The following PLEC variants were observed in gnomAD, a reference collection of about 807,000 sequenced individuals.
PLEC encodes hemidesmosomal protein 1.
A neutral mutation model predicts 392.8 loss-of-function variants in PLEC; 216 were observed. That is an observed-to-expected ratio of 0.55 (90% CI 0.49 to 0.62). The LOEUF is 0.62. PLEC is among the 20% of genes least tolerant of loss of function. The pLI, the probability that PLEC is intolerant of heterozygous loss-of-function variation, is 0.00. For synonymous variants in PLEC, 3,621 were observed against 2,980.6 expected (o/e 1.21, Z -7.00); for missense variants, 6,863 against 6,563.4 (o/e 1.05, Z -1.58).
Position 143,917,915 on chromosome 8 carries a change from G to A in PLEC, c.11906C>T (p.Ala3969Val), listed in dbSNP as rs782096389. The A allele has an allele frequency of 1.9e-5, 30 of 1,612,876 alleles. No individual in the cohort carries two copies. Among genetic ancestry groups the A allele is most frequent in the South Asian group, 6.6e-5 (6 of 91,074 alleles). Residue 3969 changes from alanine to valine, a missense_variant, in exon 32 of 32, where the codon GCG (alanine) becomes GTG (valine). Coordinates refer to ENST00000345136, the MANE Select transcript of PLEC (RefSeq NM_201384.3). ...GATGACGTAACCGGTGGCCGCCTGC[G>A]CCTCCAGGAGCTCAAAGGCTGTGCC... is the stretch of plus-strand genomic sequence containing the variant. ...RPGTAFELLE[A>V]QAATGYVIDP...
rs899352692 is a variant in PLEC, at chr8:143,917,941, G to A, written c.11880C>T (p.Pro3960=). ...CCTCCAGGAGCTCAAAGGCTGTGCC[G>A]GGGCGGATGATGCCCTTCTTCATGG... ...YQAMKKGIIR[P]GTAFELLEAQ... Residue 3960 remains proline, a synonymous_variant, in exon 32 of 32, where the codon CCC becomes CCT. Transcript: ENST00000345136. The A allele has an allele frequency of 1.6e-5, 25 of 1,612,906 alleles. No individual in the cohort carries two copies. The highest frequency in any genetic ancestry group is 2.7e-5 in the African/African-American group (2 of 75,010).
chr8:143,947,261 G>T (rs1831605646), intron 1 of PLEC, among the ~76,000 whole-genome samples: 1 of 152,192 alleles, frequency 6.6e-6, no homozygotes, highest in African/African-American at 2.4e-5. Context: ...GTGTAGAGGG[G>T]AAGTCATGGT....
Position 143,923,119 on chromosome 8 carries a change from A to G in PLEC, c.6810T>C (p.Ala2270=). Residue 2270 remains alanine, a synonymous_variant, in exon 31 of 32, where the codon GCT becomes GCC. Coordinates refer to ENST00000345136, the MANE Select transcript of PLEC (RefSeq NM_201384.3). ...CCTCCGCCACCTGCTTCATCTTCTC[A>G]GCCTCCTCCTGCAGGAAGCGCTGCG... ...DNTQRFLQEE[A]EKMKQVAEEA... 1 of 1,604,212 alleles carries G rather than the reference A, an allele frequency of 6.2e-7. No homozygotes were observed. The highest frequency in any genetic ancestry group is 8.5e-7 in the Non-Finnish European group (1 of 1,179,654).
chr8:143,940,748 C>CACA, upstream of PLEC, among the ~76,000 whole-genome samples: 2 of 152,304 alleles, frequency 1.3e-5, no homozygotes, highest in South Asian at 4.1e-4. Flanking sequence ...GCCCCTGAGG[C>CACA]CGTGAGGGGG....
In PLEC at chr8:143,938,621, C is replaced by T. The variant is rs181850748; in HGVS notation, c.174+10G>A. ...AGCCCCTGTGACACGCACCAGCATG[C>T]GCCACCAACCTTGATGAGGTGCTTG... On this transcript the variant is annotated intron_variant, in intron 2 of 31. Coordinates refer to ENST00000345136, the MANE Select transcript of PLEC (RefSeq NM_201384.3). 3.3e-4 allele frequency: 524 copies of T among 1,606,086 alleles called. No homozygotes were observed. The highest frequency in any genetic ancestry group is 4.3e-4 in the Admixed American group (26 of 59,982).
chr8:143,941,301 G>C (rs1229164932), upstream of PLEC, among the ~76,000 whole-genome samples: 1 of 152,208 alleles, frequency 6.6e-6, no homozygotes, highest in African/African-American at 2.4e-5. Context: ...ACGACAGCTG[G>C]AAACTGGGAG....
upstream of PLEC, among the ~76,000 whole-genome samples, chr8:143,940,155 C>T (rs919614660): frequency 1.3e-5 from 2 of 152,140 alleles, no homozygotes; most frequent in Non-Finnish European, 2.9e-5. Context: ...TGGTGCCTGC[C>T]CTGGCCCTGG....
At chr8:143,961,311 C>T (rs28392516) in intron 1 of PLEC, among the ~76,000 whole-genome samples, 5,233 of 152,166 alleles carry the variant, frequency 0.034, 129 homozygotes, top group Non-Finnish European at 0.057. Context: ...CTGCAACCTC[C>T]GCCTCCCAGG....
chr8:143,944,214 G>T (rs912284771), upstream of PLEC, among the ~76,000 whole-genome samples: 2 of 151,900 alleles, frequency 1.3e-5, no homozygotes, highest in Non-Finnish European at 2.9e-5. Context: ...CACACCCGCC[G>T]GGAGGAGGGG....
At chr8:143,936,476 G>A (rs1829086712) in intron 5 of PLEC, among the ~76,000 whole-genome samples, 1 of 152,222 alleles carries the variant, frequency 6.6e-6, no homozygotes, top group South Asian at 2.1e-4. Context: ...AGGCTGGCAG[G>A]TGGGGCCTCT....
At position 143,919,855 on chromosome 8, in the gene PLEC, G is replaced by A. The variant is rs35613096; in HGVS notation, c.9966C>T (p.Val3322=). The change falls in exon 32 of 32, where the codon GTC becomes GTT. Residue 3322 remains valine (V), a synonymous_variant. Coordinates refer to ENST00000345136, the MANE Select transcript of PLEC (RefSeq NM_201384.3). ...VPASELLASG[V]LSRAQFEQLK... ...GCTGCTCAAACTGGGCTCTGCTGAG[G>A]ACCCCGGAAGCCAGGAGCTCGCTGG... 2,028 of 1,613,136 alleles carry A rather than the reference G, an allele frequency of 1.3e-3. 17 individuals carry two copies. In the African/African-American group the frequency reaches 0.023, roughly 18 times the overall value.
Position 143,935,097 on chromosome 8 carries a change from C to T in PLEC, c.739G>A (p.Asp247Asn), listed in dbSNP as rs1828645726. ...DPEDVDVPQP[D>N]EKSIITYVSS... is the part of the protein sequence containing the mutation. ...ACGTAGGTGATGATGGACTTCTCGT[C>T]GGGCTGAGGGACATCCACGTCTGCA... is the stretch of plus-strand genomic sequence containing the variant. Residue 247 changes from aspartate to asparagine, a missense_variant, in exon 8 of 32, where the codon GAC (aspartate) becomes AAC (asparagine). By Grantham distance (23) the Asp-to-Asn change is conservative. Transcript: ENST00000345136. 3.1e-6 allele frequency: 5 copies of T among 1,612,864 alleles called. No individual in the cohort carries two copies. The highest frequency in any genetic ancestry group is 4.2e-6 in the Non-Finnish European group (5 of 1,179,976).
At chr8:143,958,745 T>G (rs1554739954), upstream of PLEC, 6 of 406,088 alleles carry the variant, frequency 1.5e-5, no homozygotes, top group South Asian at 9.8e-5. The surrounding 1 kb of genome is among the most constrained non-coding windows in gnomAD (Gnocchi z 4.9). Context: ...GAGAGGCTTC[T>G]CACCTGATCC....
At position 143,923,791 on chromosome 8, in the gene PLEC, C is replaced by A. The variant is rs1554694218; in HGVS notation, c.6138G>T (p.Arg2046=). 6.3e-7 allele frequency: 1 copy of A among 1,577,382 alleles called. No homozygotes were observed. ...LQLAQEAAQK[R]LQAEEKAHAF... ...CGTGTGCCTTCTCTTCCGCCTGCAG[C>A]CGCTTCTGGGCGGCCTCCTGGGCCA... Residue 2046 remains arginine, a synonymous_variant, in exon 31 of 32, where the codon CGG becomes CGT. Transcript: ENST00000345136.
intron 18 of PLEC, 99 bp from the exon 19 acceptor site, chr8:143,931,758 A>C: frequency 6.5e-7 from 1 of 1,539,466 alleles, no homozygotes; most frequent in East Asian, 2.4e-5. Context: ...CTGAGGAAGG[A>C]GTGGCAAAGC....
chr8:143,938,697 G>T lies in PLEC; in HGVS notation c.113-5C>A. 1 of 1,613,662 alleles carries T rather than the reference G, an allele frequency of 6.2e-7. No individual in the cohort carries two copies. The highest frequency in any genetic ancestry group is 8.5e-7 in the Non-Finnish European group (1 of 1,179,888). Reference sequence around the variant, plus strand: ...TCTGCACACGATCCCGCTCATCTGGGGGAGACAAGACCAGCTTACCTGGGG... The same window carrying T: ...TCTGCACACGATCCCGCTCATCTGGTGGAGACAAGACCAGCTTACCTGGGG... On this transcript the variant is annotated splice_polypyrimidine_tract_variant and splice_region_variant and intron_variant, in intron 1 of 31. Coordinates refer to ENST00000345136, the MANE Select transcript of PLEC (RefSeq NM_201384.3).
In PLEC at chr8:143,925,395, G is replaced by C. The variant is rs1424946706; in HGVS notation, c.4534C>G (p.Gln1512Glu). The C allele has an allele frequency of 6.3e-7, 1 of 1,585,266 alleles. No homozygotes were observed. Among genetic ancestry groups the C allele is most frequent in the Non-Finnish European group, 8.5e-7 (1 of 1,173,216 alleles). Residue 1512 changes from glutamine to glutamate, a missense_variant, in exon 31 of 32, where the codon CAG becomes GAG. Physicochemically the swap from Gln to Glu is conservative, Grantham distance 29 (BLOSUM62 2). Coordinates refer to ENST00000345136, the MANE Select transcript of PLEC (RefSeq NM_201384.3). The part of the protein sequence containing the change: ...QVQDESQRKR[Q>E]AEVELASRVK... The stretch of plus-strand genomic sequence containing the variant: ...CGCGAGGCCAGCTCCACCTCCGCCT[G>C]CCGCTTACGCTGGCTCTCGTCCTGC...
In PLEC at chr8:143,926,873, G is replaced by C. The variant is rs201416081; in HGVS notation, c.3955C>G (p.Leu1319Val). The C allele has an allele frequency of 1.2e-6, 2 of 1,612,626 alleles. No homozygotes were observed. Among genetic ancestry groups the C allele is most frequent in the African/African-American group, 2.7e-5 (2 of 74,930 alleles). The change falls in exon 30 of 32, where the codon CTG becomes GTG. Residue 1319 changes from leucine (L) to valine (V), a missense_variant. Physicochemically the swap from Leu to Val is conservative, Grantham distance 32. Coordinates refer to ENST00000345136, the MANE Select transcript of PLEC (RefSeq NM_201384.3). ...GTCAGCTCGCTGTAGTGCGTACGCA[G>C]GTCCACGTACTGTGGAGTAGAGCCA... ...SESVIQEYVDLRTHYSELTTL... is the reference protein window; with the variant it reads ...SESVIQEYVDVRTHYSELTTL...
At position 143,923,439 on chromosome 8, in the gene PLEC, C is replaced by G; in HGVS notation, c.6490G>C (p.Asp2164His). 1 of 1,609,492 alleles carries G rather than the reference C, an allele frequency of 6.2e-7. No homozygotes were observed. The highest frequency in any genetic ancestry group is 8.5e-7 in the Non-Finnish European group (1 of 1,179,784). The change falls in exon 31 of 32, where the codon GAC becomes CAC. Residue 2164 changes from aspartate to histidine, a missense_variant. Physicochemically the swap from Asp to His is moderately conservative, Grantham distance 81. Coordinates refer to ENST00000345136, the MANE Select transcript of PLEC (RefSeq NM_201384.3). ...TTCTTATGCTTCTCCATCTCCGCGT[C>G]AGCTGCCTGCTTCTGCCGCAGGGCC... ...QAALRQKQAADAEMEKHKKFA... is the reference protein window; with the variant it reads ...QAALRQKQAAHAEMEKHKKFA...
Sources: allele counts gnomAD v4.1 joint callset (sites outside exome capture counted in the v4.1 genomes callset), GRCh38; gene constraint gnomAD v4.1.1; non-coding constraint Gnocchi (gnomAD v3.1); transcripts MANE v1.5; gene names NCBI Gene and HGNC (gene_info 2026-07-23, HGNC 2026-07-21).